Variants in SRRM4 observed in about 807,000 individuals in gnomAD.
The protein encoded by SRRM4 is serine/arginine repetitive matrix 4.
Under a neutral mutation model 68.9 loss-of-function variants are expected in SRRM4, and 33 were observed. The ratio of observed to expected loss-of-function variants is 0.48; its 90% confidence interval spans 0.36 to 0.64. The LOEUF (loss-of-function observed/expected upper bound fraction) is 0.64, where lower values mean the gene tolerates loss of function less well. Among genes scored for constraint, SRRM4 ranks in the 30% least tolerant of loss-of-function variants. SRRM4 has a pLI of 0.00. For missense variants in SRRM4, 817 were observed against 827.1 expected, an observed-to-expected ratio of 0.99 and a Z score of 0.15; for synonymous variants, 318 against 318.8, an observed-to-expected ratio of 1.00 and a Z score of 0.03.
At chr12:119,071,576 T>C (rs1185372769) in intron 1 of SRRM4, among the ~76,000 whole-genome samples, 1 of 152,188 alleles carries the variant, frequency 6.6e-6, no homozygotes, top group Admixed American at 6.5e-5. Flanking sequence ...TTTGCACAAA[T>C]GCAAGCCCCT....
At position 119,156,639 on chromosome 12, in the gene SRRM4, G is replaced by C. The variant is rs751277568; in HGVS notation, c.1677G>C (p.Arg559=). Residue 559 remains arginine (R), a synonymous_variant, in exon 13 of 13, where the codon CGG becomes CGC. Transcript: ENST00000267260. ...YSRSRSRSRS[R]RRSRTRTSSS... ...GGAGCCGGAGTCGGAGCCGGAGCCGGAGACGGAGCCGGACCCGCACGAGCA... is the reference window on the plus strand; with the variant it reads ...GGAGCCGGAGTCGGAGCCGGAGCCGCAGACGGAGCCGGACCCGCACGAGCA... 8.8e-6 allele frequency: 14 copies of C among 1,595,698 alleles called. No individual in the cohort carries two copies. Among genetic ancestry groups the C allele is most frequent in the Admixed American group, 6.9e-5 (4 of 57,974 alleles).
intron 1 of SRRM4, among the ~76,000 whole-genome samples, chr12:119,009,204 G>C (rs1953434068): frequency 6.6e-6 from 1 of 152,158 alleles, no homozygotes; most frequent in South Asian, 2.1e-4. Flanking sequence ...AACAGGAGGG[G>C]AACTTTAATT....
chr12:119,083,543 C>T (rs1024513754), intron 1 of SRRM4, among the ~76,000 whole-genome samples: 4 of 152,126 alleles, frequency 2.6e-5, no homozygotes, highest in Non-Finnish European at 4.4e-5. Context: ...TAAGCTCCAG[C>T]CACCTGCAGC....
chr12:119,042,135 C>G (rs1314747993), intron 1 of SRRM4, among the ~76,000 whole-genome samples: 1 of 152,078 alleles, frequency 6.6e-6, no homozygotes, highest in Non-Finnish European at 1.5e-5. Context: ...AGTGGCAGAG[C>G]TAGGAACAAG....
At position 119,025,086 on chromosome 12, in the gene SRRM4, A is replaced by C. The variant is rs186175576; in HGVS notation, c.131+43073A>C. Among the ~76,000 whole-genome samples, 13 of 152,252 alleles carry C rather than the reference A, an allele frequency of 8.5e-5. No homozygotes were observed. The East Asian group carries it at 2.5e-3, about 29-fold the overall frequency. On this transcript the variant is annotated intron_variant, in intron 1 of 12. Coordinates refer to ENST00000267260, the MANE Select transcript of SRRM4 (RefSeq NM_194286.4). ...GAAGAGTGTTCTGGGCATTCAGTGCAGAGACACGTAACCCTGGTGGGTGTG... is the reference window on the plus strand; with the variant it reads ...GAAGAGTGTTCTGGGCATTCAGTGCCGAGACACGTAACCCTGGTGGGTGTG...
Position 119,121,134 on chromosome 12 carries a change from C to T in SRRM4, c.464+858C>T, listed in dbSNP as rs111936015. ...TCACACAGCAGCTAAGAAGCAGAGG[C>T]GGATCTTGGGTCCAGTTGAATTTGG... On this transcript the variant is annotated intron_variant, in intron 5 of 12. Transcript: ENST00000267260. Among the ~76,000 whole-genome samples, 21 of 152,300 alleles carry T rather than the reference C, an allele frequency of 1.4e-4. 1 individual carries two copies. Among genetic ancestry groups the T allele is most frequent in the Middle Eastern group, 3.4e-3 (1 of 294 alleles).
chr12:119,116,912 A>C, intron 3 of SRRM4, 25 bp from the exon 4 acceptor site: 1 of 1,612,058 alleles, frequency 6.2e-7, no homozygotes, highest in Non-Finnish European at 8.5e-7. Context: ...CCTCCTTCTG[A>C]AATGTGTCTT....
chr12:118,981,664 C>T lies in SRRM4; in HGVS notation c.-219C>T. The T allele has an allele frequency of 1.8e-6, 1 of 559,288 alleles. No individual in the cohort carries two copies. Among genetic ancestry groups the T allele is most frequent in the Non-Finnish European group, 3.1e-6 (1 of 319,454 alleles). 34.6% of individuals were successfully genotyped at this position (559,288 alleles called of 1,614,324 possible). ...GCTCAGAGCGCAGCCTGGAGCCGAC[C>T]CAGAAGGGCGAAGAAAGCCCAGCGG... is the stretch of plus-strand genomic sequence containing the variant. On this transcript the variant is annotated 5_prime_UTR_variant, in exon 1 of 13. Transcript: ENST00000267260.
intron 1 of SRRM4, among the ~76,000 whole-genome samples, chr12:119,011,813 T>A (rs966435396): frequency 3.9e-5 from 6 of 152,078 alleles, no homozygotes; most frequent in African/African-American, 1.2e-4. Context: ...GTTGTGGGCA[T>A]CTTACTGCAC....
At chr12:118,984,231 G>A (rs1236910825) in intron 1 of SRRM4, among the ~76,000 whole-genome samples, 2 of 152,212 alleles carry the variant, frequency 1.3e-5, no homozygotes, top group Non-Finnish European at 2.9e-5. Context: ...GCCACATCCA[G>A]TGACATTCAA....
intron 1 of SRRM4, chr12:118,989,849 C>T (rs533610421): frequency 6.6e-6 from 1 of 152,332 alleles, no homozygotes; most frequent in South Asian, 2.1e-4. Context: ...CAAATACCAA[C>T]AGATCACTGT....
chr12:119,066,210 A>G (rs1185421677), intron 1 of SRRM4, among the ~76,000 whole-genome samples: 5 of 152,140 alleles, frequency 3.3e-5, no homozygotes, highest in Non-Finnish European at 7.4e-5. Context: ...AACAATAGCT[A>G]TTATTTATTG....
At chr12:119,155,538 G>T (rs1954466194) in intron 12 of SRRM4, among the ~76,000 whole-genome samples, 1 of 152,184 alleles carries the variant, frequency 6.6e-6, no homozygotes, top group South Asian at 2.1e-4. Context: ...TTTGAGACCT[G>T]CCTAGGCAAT....
rs768132598 is a variant in SRRM4, at chr12:119,160,962, G to A, written c.*4164G>A. On this transcript the variant is annotated 3_prime_UTR_variant, in exon 13 of 13. Transcript: ENST00000267260. ...TCCTTCCCTTCTTTGAAGGACAGCT[G>A]ATCTTTCAGAAGCAGAATAAAATTA... 1 of 152,220 alleles carries A rather than the reference G, an allele frequency of 6.6e-6. No homozygotes were observed. Among genetic ancestry groups the A allele is most frequent in the Non-Finnish European group, 1.5e-5 (1 of 68,044 alleles). The allele number at this position is 152,220 out of a possible 1,614,324, so 9.4% of individuals were successfully genotyped here.
intron 8 of SRRM4, among the ~76,000 whole-genome samples, chr12:119,145,155 T>C (rs1187523079): frequency 1.3e-5 from 2 of 152,200 alleles, no homozygotes; most frequent in African/African-American, 4.8e-5. Context: ...CTCTGCATGA[T>C]ACCTAAATCT....
chr12:119,114,430 G>T (rs1954164760), intron 3 of SRRM4, 66 bp downstream of exon 3: 1 of 1,319,884 alleles, frequency 7.6e-7, no homozygotes, highest in Non-Finnish European at 1.1e-6. Context: ...GGGTTTCAAA[G>T]TCAGACAGTG....
intron 1 of SRRM4, among the ~76,000 whole-genome samples, chr12:119,094,795 T>A (rs1400462257): frequency 6.6e-6 from 1 of 152,234 alleles, no homozygotes; most frequent in Non-Finnish European, 1.5e-5. Flanking sequence ...GGTTTAGGGA[T>A]CTGTCTCCCC....
chr12:119,087,683 T>C (rs1366718550), intron 1 of SRRM4, among the ~76,000 whole-genome samples: 1 of 151,736 alleles, frequency 6.6e-6, no homozygotes, highest in Non-Finnish European at 1.5e-5. Flanking sequence ...GGAGAGGAAA[T>C]AGGGAGAAGA....
intron 1 of SRRM4, among the ~76,000 whole-genome samples, chr12:119,016,632 C>T (rs1953483603): frequency 6.6e-6 from 1 of 152,154 alleles, no homozygotes; most frequent in Non-Finnish European, 1.5e-5. Flanking sequence ...AAGGTTAGAC[C>T]TTGCAGATCC....
Sources: allele counts gnomAD v4.1 joint callset (sites outside exome capture counted in the v4.1 genomes callset), GRCh38; gene constraint gnomAD v4.1.1; transcripts MANE v1.5; gene names NCBI Gene and HGNC (gene_info 2026-07-23, HGNC 2026-07-21).